Variants in FERMT1 observed in about 807,000 individuals in gnomAD.
The protein encoded by FERMT1 is fermitin family homolog 1.
FERMT1 carries 60 observed loss-of-function variants against 85.3 expected under a neutral mutation model. That is an observed-to-expected ratio of 0.70 (90% CI 0.57 to 0.87). The LOEUF is 0.87. FERMT1 is among the 40% of genes least tolerant of loss of function. FERMT1 has a pLI of 0.00. For synonymous variants in FERMT1, 275 were observed against 301.1 expected (o/e 0.91, Z 0.90); for missense variants, 701 against 818.9 (o/e 0.86, Z 1.76).
intron 5 of FERMT1, among the ~76,000 whole-genome samples, chr20:6,108,592 C>T (rs1982859765): frequency 6.6e-6 from 1 of 152,046 alleles, no homozygotes; most frequent in African/African-American, 2.4e-5. Flanking sequence ...GGTGAATCAC[C>T]TGAGGTCAGG....
intron 6 of FERMT1, among the ~76,000 whole-genome samples, chr20:6,100,624 A>G (rs1365377665): frequency 6.6e-6 from 1 of 152,216 alleles, no homozygotes; most frequent in Non-Finnish European, 1.5e-5. Flanking sequence ...TCAAAAAGCT[A>G]TTATAAAACA....
intron 3 of FERMT1, among the ~76,000 whole-genome samples, chr20:6,113,696 G>C (rs1413297169): frequency 6.6e-6 from 1 of 152,194 alleles, no homozygotes; most frequent in African/African-American, 2.4e-5. Flanking sequence ...TGACTATCCA[G>C]GGTGCTGCAT....
rs2232070 is a variant in FERMT1, at chr20:6,094,327, G to A, written c.1139+612C>T. 8.8e-3 allele frequency among the ~76,000 whole-genome samples: 1,340 copies of A among 152,328 alleles called. 15 individuals are homozygous for A. Among genetic ancestry groups the A allele is most frequent in the African/African-American group, 0.03 (1,247 of 41,568 alleles). On this transcript the variant is annotated intron_variant, in intron 9 of 14. Transcript: ENST00000217289. ...GAGGTGGCAGTTCATTATTTCCATGGAAAAATAAAACTCCTTCTCTGCCTT... is the reference window on the plus strand; with the variant it reads ...GAGGTGGCAGTTCATTATTTCCATGAAAAAATAAAACTCCTTCTCTGCCTT...
chr20:6,096,020 C>T (rs1032735961), intron 8 of FERMT1, among the ~76,000 whole-genome samples: 1 of 152,126 alleles, frequency 6.6e-6, no homozygotes, highest in Non-Finnish European at 1.5e-5. Context: ...AGGGGCATTT[C>T]AGTTATAAAG....
At chr20:6,086,661 CCT>C (rs1568655335) in intron 11 of FERMT1, among the ~76,000 whole-genome samples, 1 of 152,090 alleles carries the variant, frequency 6.6e-6, no homozygotes. Flanking sequence ...GGCAGATATA[CCT>C]CTCGCTGTTC....
At chr20:6,090,147 T>C (rs2123108609) in intron 9 of FERMT1, among the ~76,000 whole-genome samples, 1 of 152,202 alleles carries the variant, frequency 6.6e-6, no homozygotes, top group East Asian at 1.9e-4. Context: ...CGATCTCGGC[T>C]CACTGCAACC....
Position 6,096,974 on chromosome 20 carries a change from C to T in FERMT1, c.1017G>A (p.Glu339=). 1 of 1,614,022 alleles carries T rather than the reference C, an allele frequency of 6.2e-7. No homozygotes were observed. The highest frequency in any genetic ancestry group is 8.5e-7 in the Non-Finnish European group (1 of 1,179,964). ...AAAGCGCCGCTTCTATTTCATCAACCTCGGACTCGCCTGCAAAATCCTGTG... is the reference window on the plus strand; with the variant it reads ...AAAGCGCCGCTTCTATTTCATCAACTTCGGACTCGCCTGCAAAATCCTGTG... ...AETQDFAGES[E]VDEIEAALSN... The change falls in exon 8 of 15, where the codon GAG becomes GAA. Residue 339 remains glutamate (E), a synonymous_variant. Coordinates refer to ENST00000217289, the MANE Select transcript of FERMT1 (RefSeq NM_017671.5).
At chr20:6,078,097 C>G (rs1427016845) in intron 14 of FERMT1, among the ~76,000 whole-genome samples, 1 of 152,208 alleles carries the variant, frequency 6.6e-6, no homozygotes, top group African/African-American at 2.4e-5. Flanking sequence ...AGAGACTTTG[C>G]TGGTTCACAA....
intron 1 of FERMT1, 71 bp from the exon 2 acceptor site, chr20:6,119,643 G>A: frequency 7.5e-7 from 1 of 1,341,754 alleles, no homozygotes; most frequent in Non-Finnish European, 1.0e-6. Flanking sequence ...GACTTGCAGA[G>A]CAAAATTTCT....
intron 13 of FERMT1, among the ~76,000 whole-genome samples, chr20:6,081,534 C>T (rs1438606762): frequency 6.6e-6 from 1 of 151,944 alleles, no homozygotes; most frequent in Non-Finnish European, 1.5e-5. Flanking sequence ...TCATGGGTGG[C>T]CAAGAGGTGA....
chr20:6,110,959 C>T (rs889518928), intron 4 of FERMT1, among the ~76,000 whole-genome samples: 12 of 152,068 alleles, frequency 7.9e-5, no homozygotes, highest in Admixed American at 2.6e-4. Context: ...GTTTTTTAGA[C>T]GGAGTCTCAC....
At position 6,096,809 on chromosome 20, in the gene FERMT1, A is replaced by G. The variant is rs1385771168; in HGVS notation, c.1089+93T>C. ...TTTTTTTTTTTTTTTTTTCAAAATCAGATGAAATATTCTCTTCTAATAAAG... is the reference window on the plus strand; with the variant it reads ...TTTTTTTTTTTTTTTTTTCAAAATCGGATGAAATATTCTCTTCTAATAAAG... On this transcript the variant is annotated intron_variant, in intron 8 of 14. Transcript: ENST00000217289. The G allele has an allele frequency of 1.8e-5, 18 of 983,568 alleles. No individual in the cohort carries two copies. The East Asian group carries it at 4.6e-4, about 25-fold the overall frequency. The allele number at this position is 983,568 out of a possible 1,614,324, so 60.9% of individuals were successfully genotyped here.
chr20:6,078,827 C>G (rs377504828), intron 14 of FERMT1, among the ~76,000 whole-genome samples: 2 of 152,088 alleles, frequency 1.3e-5, no homozygotes, highest in African/African-American at 4.8e-5. Flanking sequence ...TTCCATGATA[C>G]AGGCTTGGCC....
At chr20:6,095,200 G>A (rs559374772) in intron 8 of FERMT1, among the ~76,000 whole-genome samples, 40 of 152,322 alleles carry the variant, frequency 2.6e-4, no homozygotes, top group Non-Finnish European at 4.9e-4. Context: ...AGGATTGGGA[G>A]GAGAATGGGG....
chr20:6,095,198 G>A (rs949346540), intron 8 of FERMT1, among the ~76,000 whole-genome samples: 6 of 152,204 alleles, frequency 3.9e-5, no homozygotes, highest in African/African-American at 1.4e-4. Context: ...GGAGGATTGG[G>A]AGGAGAATGG....
At chr20:6,102,901 G>A (rs117548155) in intron 6 of FERMT1, among the ~76,000 whole-genome samples, 2,626 of 152,058 alleles carry the variant, frequency 0.017, 35 homozygotes, top group Middle Eastern at 0.044. Context: ...TTAAGAAGGG[G>A]TTACTATTTA....
rs1298972613 is a variant in FERMT1 at position 6,077,239 on chromosome 20, G to A, written c.1968C>T (p.Arg656=). Residue 656 remains arginine, a synonymous_variant, in exon 15 of 15, where the codon CGC becomes CGT. Transcript: ENST00000217289. Reference sequence around the variant, plus strand: ...CGAGTGTTTCATTCTGGTCCTTGGAGCGGGTGGACAAGAAAATGTAGCCGC... The same window carrying A: ...CGAGTGTTTCATTCTGGTCCTTGGAACGGGTGGACAAGAAAATGTAGCCGC... The part of the protein sequence containing the change: ...YIGGYIFLST[R]SKDQNETLDE... 2.5e-6 allele frequency: 4 copies of A among 1,614,206 alleles called. No individual in the cohort carries two copies. Among genetic ancestry groups the A allele is most frequent in the Admixed American group, 1.7e-5 (1 of 60,032 alleles).
In FERMT1 at chr20:6,077,363, C is replaced by G; in HGVS notation, c.1861-17G>C. 6.2e-7 allele frequency: 1 copy of G among 1,613,792 alleles called. No individual in the cohort carries two copies. The highest frequency in any genetic ancestry group is 8.5e-7 in the Non-Finnish European group (1 of 1,179,954). ...GATGACCACCTGGAAGAGGAAGGCA[C>G]AGAGAAGCTTAAACTCTGACAAGGA... On this transcript the variant is annotated splice_polypyrimidine_tract_variant and intron_variant, in intron 14 of 14. Coordinates refer to ENST00000217289, the MANE Select transcript of FERMT1 (RefSeq NM_017671.5).
chr20:6,097,791 T>G lies in FERMT1; in HGVS notation c.850-160A>C, dbSNP rs183705127. On this transcript the variant is annotated intron_variant, in intron 6 of 14. Transcript: ENST00000217289. ...TTCTATTGTGCCATATACTCAGCACTTTTTTTTTAAAGTTTTTTTTTTTTT... is the reference window on the plus strand; with the variant it reads ...TTCTATTGTGCCATATACTCAGCACGTTTTTTTTAAAGTTTTTTTTTTTTT... Among the ~76,000 whole-genome samples the G allele has an allele frequency of 2.7e-4, 27 of 101,224 alleles. No individual in the cohort carries two copies. The Admixed American group carries it at 3.2e-3, about 12-fold the overall frequency. 66.4% of individuals were successfully genotyped at this position (101,224 alleles called of 152,430 possible).
Sources: allele counts gnomAD v4.1 joint callset (sites outside exome capture counted in the v4.1 genomes callset), GRCh38; gene constraint gnomAD v4.1.1; transcripts MANE v1.5; gene names NCBI Gene and HGNC (gene_info 2026-07-23, HGNC 2026-07-21).